Variants in GRM7 observed in about 807,000 individuals in gnomAD.
GRM7 encodes metabotropic glutamate receptor 7.
In GRM7, 35 loss-of-function variants were observed where a neutral mutation model predicts 84.5. The observed-to-expected ratio is 0.41, with a 90% CI of 0.32 to 0.55. The LOEUF (loss-of-function observed/expected upper bound fraction) is 0.55, where lower values mean the gene tolerates loss of function less well. Ranked by LOEUF, GRM7 falls within the 20% of genes least tolerant of loss-of-function variation. GRM7 has a pLI of 0.19. For missense variants in GRM7, 1,003 were observed against 1,194.6 expected (o/e 0.84, Z 2.36); for synonymous variants, 487 against 455.1 (o/e 1.07, Z -0.89).
chr3:7,669,604 A>T (rs1383714163), intron 8 of GRM7, among the ~76,000 whole-genome samples: 1 of 152,232 alleles, frequency 6.6e-6, no homozygotes, highest in Non-Finnish European at 1.5e-5. Context: ...CAAGGAGTCG[A>T]AGAACATGTG....
At chr3:7,661,840 T>C (rs1482742430) in intron 8 of GRM7, among the ~76,000 whole-genome samples, 1 of 112,656 alleles carries the variant, frequency 8.9e-6, no homozygotes, top group Admixed American at 9.8e-5. Context: ...CTACTATCAG[T>C]TTGGAAAATA....
At chr3:7,307,988 G>A (rs1203013567) in intron 4 of GRM7, among the ~76,000 whole-genome samples, 1 of 152,154 alleles carries the variant, frequency 6.6e-6, no homozygotes, top group Admixed American at 6.5e-5. Flanking sequence ...GGGTGGTGGT[G>A]ATATGGTTGG....
At chr3:7,022,733 T>A (rs1695825337) in intron 1 of GRM7, among the ~76,000 whole-genome samples, 1 of 152,126 alleles carries the variant, frequency 6.6e-6, no homozygotes, top group Non-Finnish European at 1.5e-5. Context: ...CCTTGAGGGT[T>A]CTCTTATAGC....
intron 7 of GRM7, among the ~76,000 whole-genome samples, chr3:7,477,632 G>A (rs751382): frequency 1.3e-5 from 2 of 152,088 alleles, no homozygotes; most frequent in East Asian, 1.9e-4. Flanking sequence ...TGAGATGTGC[G>A]TCTTTATTCT....
intron 1 of GRM7, among the ~76,000 whole-genome samples, chr3:7,009,362 T>C (rs1406395200): frequency 6.6e-6 from 1 of 152,248 alleles, no homozygotes; most frequent in East Asian, 1.9e-4. Flanking sequence ...ACAAGAACTA[T>C]TCATAAACCC....
chr3:7,504,473 GAGT>G, intron 7 of GRM7, among the ~76,000 whole-genome samples: 1 of 152,256 alleles, frequency 6.6e-6, no homozygotes, highest in South Asian at 2.1e-4. Flanking sequence ...ACCACAGACC[GAGT>G]AGTTTATAAA....
intron 1 of GRM7, among the ~76,000 whole-genome samples, chr3:6,930,026 C>T (rs1697446572): frequency 6.6e-6 from 1 of 152,130 alleles, no homozygotes; most frequent in Admixed American, 6.5e-5. Flanking sequence ...TGAAATAAAG[C>T]TAATGTTCAG....
At chr3:7,517,773 C>T (rs1329760788) in intron 7 of GRM7, among the ~76,000 whole-genome samples, 1 of 152,206 alleles carries the variant, frequency 6.6e-6, no homozygotes, top group Non-Finnish European at 1.5e-5. Context: ...TGGGGATTAT[C>T]CCAGTTCATC....
intron 1 of GRM7, among the ~76,000 whole-genome samples, chr3:7,117,463 CG>C (rs1693075778): frequency 6.6e-6 from 1 of 152,156 alleles, no homozygotes; most frequent in Non-Finnish European, 1.5e-5. Flanking sequence ...ATCACTTAAG[CG>C]ATCATCTTTT....
chr3:7,713,825 A>G (rs1469041547), intron 9 of GRM7, among the ~76,000 whole-genome samples: 45 of 121,936 alleles, frequency 3.7e-4, no homozygotes, highest in Non-Finnish European at 3.0e-4. Flanking sequence ...TTTTTTTTTT[A>G]AAGCAATGGG....
intron 1 of GRM7, among the ~76,000 whole-genome samples, chr3:7,001,049 A>G (rs1386938869): frequency 6.6e-6 from 1 of 152,258 alleles, no homozygotes; most frequent in Non-Finnish European, 1.5e-5. Flanking sequence ...AATCATAGTC[A>G]GGGAATGGTG....
rs1163151939 is a variant in GRM7 at position 7,231,886 on chromosome 3, T to C, written c.737-66798T>C. 3.9e-5 allele frequency among the ~76,000 whole-genome samples: 6 copies of C among 152,180 alleles called. No individual in the cohort carries two copies. The East Asian group carries it at 1.2e-3, about 29-fold the overall frequency. On this transcript the variant is annotated intron_variant, in intron 2 of 9. Coordinates refer to ENST00000357716, the MANE Select transcript of GRM7 (RefSeq NM_000844.4). The stretch of plus-strand genomic sequence containing the variant: ...AACATTTATCCAGACCCAATTTATA[T>C]TGGGCACTATGCTAGGTGCTGGAGA...
chr3:7,180,413 A>C (rs1042296172), intron 2 of GRM7, among the ~76,000 whole-genome samples: 12 of 152,262 alleles, frequency 7.9e-5, no homozygotes, highest in Non-Finnish European at 5.9e-5. Flanking sequence ...CCCAAACAGC[A>C]ATCTGTGGAC....
chr3:7,578,389 G>A (rs1695064348), intron 7 of GRM7, 33 bp from the exon 8 acceptor site: 2 of 1,417,478 alleles, frequency 1.4e-6, no homozygotes, highest in Non-Finnish European at 2.0e-6. Flanking sequence ...TGAAGAATCT[G>A]CCTGATTCAC....
intron 2 of GRM7, among the ~76,000 whole-genome samples, chr3:7,240,941 A>C (rs974256726): frequency 6.6e-6 from 1 of 152,184 alleles, no homozygotes; most frequent in African/African-American, 2.4e-5. Flanking sequence ...TATGCTGTAC[A>C]GGTTTGTAGC....
chr3:7,106,339 T>C (rs1408254366), intron 1 of GRM7, among the ~76,000 whole-genome samples: 2 of 150,930 alleles, frequency 1.3e-5, no homozygotes, highest in African/African-American at 2.4e-5. Flanking sequence ...GTATGCAGCC[T>C]TTTTTTTTCT....
intron 7 of GRM7, among the ~76,000 whole-genome samples, chr3:7,566,995 A>C (rs561361373): frequency 5.0e-4 from 76 of 152,346 alleles, no homozygotes; most frequent in Middle Eastern, 3.4e-3. Context: ...TGCAAGCATT[A>C]AAATAGTAAA....
At chr3:6,931,415 G>A (rs188069545) in intron 1 of GRM7, among the ~76,000 whole-genome samples, 24 of 152,226 alleles carry the variant, frequency 1.6e-4, no homozygotes, top group Admixed American at 1.6e-3. Context: ...GCCCTTCTTG[G>A]AGACTGGGAT....
chr3:7,578,429 A>G lies in GRM7; in HGVS notation c.1523A>G (p.Asp508Gly). The G allele has an allele frequency of 6.3e-7, 1 of 1,598,672 alleles. No homozygotes were observed. Among genetic ancestry groups the G allele is most frequent in the Non-Finnish European group, 8.6e-7 (1 of 1,168,726 alleles). The change falls in exon 8 of 10, where the codon GAC (aspartate) becomes GGC (glycine). Residue 508 changes from aspartate (D) to glycine (G), a missense_variant. By Grantham distance (94) the Asp-to-Gly change is moderately conservative (BLOSUM62 -1). Around this residue, in one of 2 missense-constraint regions of GRM7, gnomAD observed 910 missense variants for 1,126.0 expected, o/e 0.81. Transcript: ENST00000357716. ...WTDELQLNIE[D>G]MQWGKGVREI... ...TTATTTCTTATGTTACAGATAGAAG[A>G]CATGCAGTGGGGTAAAGGAGTCCGA...
Sources: allele counts gnomAD v4.1 joint callset (sites outside exome capture counted in the v4.1 genomes callset), GRCh38; gene constraint gnomAD v4.1.1; regional missense constraint gnomAD v4.1.1; transcripts MANE v1.5; gene names NCBI Gene and HGNC (gene_info 2026-07-23, HGNC 2026-07-21).